The following ADGB variants were observed in gnomAD, a reference collection of about 807,000 sequenced individuals.
The protein encoded by ADGB is calpain-7-like protein.
Under a neutral mutation model 210.5 loss-of-function variants are expected in ADGB, and 172 were observed. The observed-to-expected ratio is 0.82, with a 90% confidence interval of 0.72 to 0.93. ADGB has a LOEUF of 0.93. Ranked by LOEUF, ADGB falls within the 40% of genes least tolerant of loss-of-function variation. The probability of loss-of-function intolerance (pLI) is 0.00; values close to 1 mark genes in which losing one functional copy is unlikely to be tolerated. For missense variants in ADGB, 2,025 were observed against 1,964.8 expected (o/e 1.03, Z -0.58); for synonymous variants, 658 against 662.7 (o/e 0.99, Z 0.11).
At chr6:146,660,000 T>A (rs1775833277) in intron 5 of ADGB, among the ~76,000 whole-genome samples, 1 of 152,210 alleles carries the variant, frequency 6.6e-6, no homozygotes. Flanking sequence ...TTGCTTTATT[T>A]CTGATTGAGC....
chr6:146,657,277 G>A (rs1310553766), intron 5 of ADGB, among the ~76,000 whole-genome samples: 3 of 149,544 alleles, frequency 2.0e-5, no homozygotes, highest in Non-Finnish European at 4.4e-5. Context: ...GTGAGTTAAG[G>A]TCTCACCATT....
At chr6:146,741,392 T>C in intron 25 of ADGB, 121 bp downstream of exon 25, 3 of 841,970 alleles carry the variant, frequency 3.6e-6, no homozygotes, top group Middle Eastern at 6.3e-4. Context: ...AATAAGGCCC[T>C]GATCTTTCAC....
intron 9 of ADGB, among the ~76,000 whole-genome samples, chr6:146,678,969 C>G (rs1776121908): frequency 6.6e-6 from 1 of 152,138 alleles, no homozygotes; most frequent in Admixed American, 6.6e-5. Flanking sequence ...CATTCTCCTT[C>G]CATTTTATGC....
intron 13 of ADGB, among the ~76,000 whole-genome samples, chr6:146,710,439 TA>T (rs1490503407): frequency 6.6e-6 from 1 of 152,118 alleles, no homozygotes; most frequent in Non-Finnish European, 1.5e-5. Context: ...AATGTAGTTC[TA>T]AATTATAACA....
At position 146,764,043 on chromosome 6, in the gene ADGB, G is replaced by C. The variant is rs1271813664; in HGVS notation, c.3693G>C (p.Val1231=). 3.2e-6 allele frequency: 5 copies of C among 1,551,332 alleles called. No individual in the cohort carries two copies. Among genetic ancestry groups the C allele is most frequent in the Middle Eastern group, 1.7e-4 (1 of 5,986 alleles). ...TACAAGACATTGGTCTACCCCTTGT[G>C]GAGGAGGAAACTACCAGTACACCCA... ...SAIQDIGLPL[V]EEETTSTPTR... Residue 1231 remains valine (V), a synonymous_variant, in exon 28 of 36, where the codon GTG becomes GTC. Coordinates refer to ENST00000397944, the MANE Select transcript of ADGB (RefSeq NM_024694.4).
At chr6:146,608,306 A>G (rs933496869) in intron 1 of ADGB, among the ~76,000 whole-genome samples, 2 of 150,316 alleles carry the variant, frequency 1.3e-5, no homozygotes, top group Non-Finnish European at 3.0e-5. Flanking sequence ...AGTCTTATTT[A>G]TTTTTTCTGA....
intron 13 of ADGB, among the ~76,000 whole-genome samples, chr6:146,709,974 T>C (rs754658825): frequency 6.6e-6 from 1 of 152,092 alleles, no homozygotes; most frequent in African/African-American, 2.4e-5. Context: ...TACAGGAAAG[T>C]CTTGTTCTTC....
At position 146,809,145 on chromosome 6, in the gene ADGB, A is replaced by G. The variant is rs528162758; in HGVS notation, c.4819-5887A>G. Among the ~76,000 whole-genome samples, 1,066 of 151,954 alleles carry G rather than the reference A, an allele frequency of 7.0e-3. 7 individuals are homozygous for G. Among genetic ancestry groups the G allele is most frequent in the East Asian group, 0.024 (124 of 5,150 alleles). On this transcript the variant is annotated intron_variant, in intron 35 of 35. Transcript: ENST00000397944. ...GGAGCCTAGGAGGGCTAGAAGCAAG[A>G]GGCCAGCAAGTCTAGACACATTCCA...
intron 3 of ADGB, among the ~76,000 whole-genome samples, chr6:146,649,829 C>A (rs1775673461): frequency 6.6e-6 from 1 of 151,996 alleles, no homozygotes; most frequent in Non-Finnish European, 1.5e-5. Flanking sequence ...TTTTATTTAC[C>A]AAAGATTTAT....
intron 7 of ADGB, among the ~76,000 whole-genome samples, chr6:146,669,231 T>C (rs1775974928): frequency 6.6e-6 from 1 of 152,106 alleles, no homozygotes. Context: ...GCCACTCTGC[T>C]GGGTAGTGGA....
chr6:146,658,943 G>A (rs1272206862), intron 5 of ADGB, among the ~76,000 whole-genome samples: 2 of 152,140 alleles, frequency 1.3e-5, no homozygotes, highest in African/African-American at 4.8e-5. Context: ...TATTTTGGTA[G>A]GCATGTGATA....
At position 146,664,350 on chromosome 6, in the gene ADGB, GAC is replaced by G; in HGVS notation, c.752+13_752+14del. The G allele has an allele frequency of 6.5e-7, 1 of 1,543,956 alleles. No individual in the cohort carries two copies. Among genetic ancestry groups the G allele is most frequent in the South Asian group, 1.2e-5 (1 of 82,778 alleles). The stretch of plus-strand genomic sequence containing the variant: ...AGCTGGCAAATATTGAGTATGTAAT[GAC>G]ACTATCACTCACATGAATAAAAAAA... On this transcript the variant is annotated intron_variant, in intron 6 of 35. Transcript: ENST00000397944.
chr6:146,813,324 G>C (rs917544472), intron 35 of ADGB, among the ~76,000 whole-genome samples: 1 of 152,106 alleles, frequency 6.6e-6, no homozygotes, highest in Non-Finnish European at 1.5e-5. Context: ...AGAGTTTCAA[G>C]TGGAATTTCA....
chr6:146,724,021 G>T (rs1776858917), intron 17 of ADGB, among the ~76,000 whole-genome samples, 165 bp from the exon 18 acceptor site: 1 of 152,076 alleles, frequency 6.6e-6, no homozygotes, highest in African/African-American at 2.4e-5. Flanking sequence ...GTTATTTCTA[G>T]TAATTTACCT....
intron 13 of ADGB, among the ~76,000 whole-genome samples, chr6:146,712,199 G>A (rs1465526076): frequency 7.3e-6 from 1 of 136,420 alleles, no homozygotes; most frequent in Non-Finnish European, 1.6e-5. Context: ...TTTTTGTTTT[G>A]TTTGAGACAG....
intron 1 of ADGB, among the ~76,000 whole-genome samples, chr6:146,626,518 A>G (rs1780973897): frequency 6.6e-6 from 1 of 151,860 alleles, no homozygotes; most frequent in Admixed American, 6.6e-5. Flanking sequence ...TTTACTTTTA[A>G]TAGACATTTT....
chr6:146,676,520 C>T (rs1302197376), intron 9 of ADGB, 79 bp downstream of exon 9: 2 of 1,167,568 alleles, frequency 1.7e-6, no homozygotes, highest in African/African-American at 3.2e-5. Context: ...CATAGAAATA[C>T]ATTTTTTCTT....
Position 146,672,401 on chromosome 6 carries a change from G to A in ADGB, c.1021G>A (p.Glu341Lys). 6.4e-7 allele frequency: 1 copy of A among 1,551,338 alleles called. No homozygotes were observed. The highest frequency in any genetic ancestry group is 8.7e-7 in the Non-Finnish European group (1 of 1,146,806). Residue 341 changes from glutamate (E) to lysine (K), a missense_variant, in exon 8 of 36, where the codon GAA becomes AAA. Glu to Lys is a moderately conservative substitution (Grantham distance 56, BLOSUM62 1). Coordinates refer to ENST00000397944, the MANE Select transcript of ADGB (RefSeq NM_024694.4). ...KDGKEVKDVK[E>K]FKPESSLTTL... ...TGGAAAGGAAGTAAAAGACGTGAAG[G>A]AATTCAAACCTGAAAGTTCTTTGAC...
chr6:146,671,223 G>A (rs1402055975), intron 7 of ADGB, among the ~76,000 whole-genome samples: 1 of 152,182 alleles, frequency 6.6e-6, no homozygotes, highest in Non-Finnish European at 1.5e-5. Flanking sequence ...CAGACTCATG[G>A]TTTTGAAAGA....
Sources: allele counts gnomAD v4.1 joint callset (sites outside exome capture counted in the v4.1 genomes callset), GRCh38; gene constraint gnomAD v4.1.1; transcripts MANE v1.5; gene names NCBI Gene and HGNC (gene_info 2026-07-23, HGNC 2026-07-21).